The following WAC variants were observed in gnomAD, a reference collection of about 807,000 sequenced individuals.
The protein encoded by WAC is WW domain-containing adapter protein with coiled-coil.
Under a neutral mutation model 79.6 loss-of-function variants are expected in WAC, and 11 were observed. The ratio of observed to expected loss-of-function variants is 0.14; its 90% CI spans 0.09 to 0.23. The LOEUF is 0.23. Among genes scored for constraint, WAC ranks in the 10% least tolerant of loss-of-function variants. WAC has a pLI of 1.00. For missense variants in WAC, 728 were observed against 773.5 expected, an observed-to-expected ratio of 0.94 and a Z score of 0.70; for synonymous variants, 304 against 276.9, an observed-to-expected ratio of 1.10 and a Z score of -0.97.
chr10:28,553,085 T>A (rs900092170), intron 3 of WAC, among the ~76,000 whole-genome samples: 7 of 152,096 alleles, frequency 4.6e-5, no homozygotes, highest in Non-Finnish European at 1.5e-5. Flanking sequence ...TGGAATATTT[T>A]CCCCCAATGT....
Position 28,544,835 on chromosome 10 carries a change from G to A in WAC, c.274+9078G>A, listed in dbSNP as rs184554628. 1.7e-3 allele frequency among the ~76,000 whole-genome samples: 259 copies of A among 152,150 alleles called. 1 individual carries two copies. The highest frequency in any genetic ancestry group is 5.5e-3 in the African/African-American group (227 of 41,522). On this transcript the variant is annotated intron_variant, in intron 3 of 13. Transcript: ENST00000354911. ...TGCCAGCACTTTGGGAGGCCAAGGC[G>A]GGCAGATCACCTGAGCTCAGGAGTT...
Position 28,590,802 on chromosome 10 carries a change from G to T in WAC, c.580G>T (p.Ala194Ser), listed in dbSNP as rs1421658679. 1 of 1,611,518 alleles carries T rather than the reference G, an allele frequency of 6.2e-7. No individual in the cohort carries two copies. Among genetic ancestry groups the T allele is most frequent in the Non-Finnish European group, 8.5e-7 (1 of 1,179,350 alleles). Residue 194 changes from alanine (A) to serine (S), a missense_variant, in exon 6 of 14, where the codon GCA (alanine) becomes TCA (serine). Coordinates refer to ENST00000354911, the MANE Select transcript of WAC (RefSeq NM_016628.5). ...DRDYRREVMQ[A>S]TATSGFASGM... The stretch of plus-strand genomic sequence containing the variant: ...GGATTACAGAAGAGAGGTGATGCAA[G>T]CAACAGCCACTAGTGGGTTTGCCAG...
intron 3 of WAC, among the ~76,000 whole-genome samples, chr10:28,556,393 T>TTTTTTTTC (rs1837993988): frequency 7.2e-6 from 1 of 138,854 alleles, no homozygotes; most frequent in Non-Finnish European, 1.5e-5. Flanking sequence ...ATTAAATTTT[T>TTTTTTTTC]TTTTTTTTTT....
At chr10:28,558,645 G>T (rs1197566131) in intron 3 of WAC, among the ~76,000 whole-genome samples, 2 of 152,106 alleles carry the variant, frequency 1.3e-5, no homozygotes, top group African/African-American at 4.8e-5. Context: ...GTTCCTCATT[G>T]CCTTCATTGT....
intron 3 of WAC, among the ~76,000 whole-genome samples, chr10:28,552,531 T>C (rs1837738665): frequency 6.6e-6 from 1 of 152,202 alleles, no homozygotes; most frequent in Non-Finnish European, 1.5e-5. Context: ...AGACCCTTAA[T>C]TGGTTGGCCT....
At chr10:28,597,926 T>G (rs1419032507) in intron 7 of WAC, among the ~76,000 whole-genome samples, 1 of 152,180 alleles carries the variant, frequency 6.6e-6, no homozygotes, top group African/African-American at 2.4e-5. Flanking sequence ...CTTACTGAAA[T>G]TCAGGTCATC....
Position 28,619,586 on chromosome 10 carries a change from CAG to C in WAC, c.1926_1927del (p.Asn643PhefsTer8). On this transcript the variant is annotated frameshift_variant, in exon 14 of 14. Coordinates refer to ENST00000354911, the MANE Select transcript of WAC (RefSeq NM_016628.5). LOFTEE classifies it high-confidence loss of function. ...QIKELEKLKNQNSFMV is the reference protein window; with the variant it reads ...QIKELEKLKNXNSFMV ...TAAGGAACTTGAAAAGCTAAAAAAT[CAG>C]AATTCCTTCATGGTGTGAAGATGTG... The C allele has an allele frequency of 6.3e-7, 1 of 1,576,066 alleles. No individual in the cohort carries two copies. The highest frequency in any genetic ancestry group is 1.7e-4 in the Middle Eastern group (1 of 5,886).
At chr10:28,604,265 T>C (rs1199111757) in intron 7 of WAC, among the ~76,000 whole-genome samples, 2 of 150,806 alleles carry the variant, frequency 1.3e-5, no homozygotes, top group Non-Finnish European at 3.0e-5. Flanking sequence ...TGTTTAGCAT[T>C]ATCAGTTTTG....
chr10:28,619,464 A>G (rs948458951), intron 13 of WAC, 73 bp from the exon 14 acceptor site: 14 of 1,154,064 alleles, frequency 1.2e-5, no homozygotes, highest in African/African-American at 1.6e-5. Flanking sequence ...AAAAAATTTT[A>G]ATTATAAAAG....
chr10:28,538,656 G>C (rs1178165655), intron 3 of WAC, among the ~76,000 whole-genome samples: 3 of 150,448 alleles, frequency 2.0e-5, no homozygotes, highest in Admixed American at 6.6e-5. Context: ...TTGGGAGGTT[G>C]AGATGGGAAG....
intron 3 of WAC, among the ~76,000 whole-genome samples, chr10:28,573,795 C>T (rs1360925709): frequency 2.0e-5 from 3 of 152,172 alleles, no homozygotes; most frequent in Non-Finnish European, 4.4e-5. Flanking sequence ...AGTTAGTAGT[C>T]ACCAATGTTC....
intron 7 of WAC, among the ~76,000 whole-genome samples, chr10:28,603,951 ATG>A (rs1202648042): frequency 2.2e-4 from 13 of 58,462 alleles, no homozygotes; most frequent in African/African-American, 2.2e-4. Flanking sequence ...AAATATATAT[ATG>A]TATGTATGTA....
rs565319860 is a variant in WAC at position 28,622,968 on chromosome 10, A to G, written c.*3362A>G. On this transcript the variant is annotated 3_prime_UTR_variant, in exon 14 of 14. Transcript: ENST00000354911. The stretch of plus-strand genomic sequence containing the variant: ...GGCTATATTCTTGTATTTGTACGGG[A>G]GTGTACAAAATGACACTGAAAAGTA... The G allele has an allele frequency of 1.5e-4, 23 of 152,272 alleles. No homozygotes were observed. In the East Asian group the frequency reaches 4.3e-3, roughly 28 times the overall value. 9.4% of individuals were successfully genotyped at this position (152,272 alleles called of 1,614,324 possible).
At chr10:28,581,135 C>T (rs1839511676) in intron 3 of WAC, among the ~76,000 whole-genome samples, 1 of 151,056 alleles carries the variant, frequency 6.6e-6, no homozygotes, top group Admixed American at 6.6e-5. Context: ...TATATAGGTA[C>T]TCTTTGCCTT....
intron 3 of WAC, among the ~76,000 whole-genome samples, chr10:28,567,212 G>C (rs1274505471): frequency 6.7e-6 from 1 of 149,998 alleles, no homozygotes; most frequent in Non-Finnish European, 1.5e-5. Context: ...TTGTTGGGGG[G>C]ACTTTATCTA....
intron 3 of WAC, among the ~76,000 whole-genome samples, chr10:28,582,494 C>G (rs917792589): frequency 1.3e-5 from 2 of 152,168 alleles, no homozygotes; most frequent in African/African-American, 4.8e-5. Flanking sequence ...TCCTGGACCA[C>G]TGGAGCATTT....
At chr10:28,576,790 G>A (rs1839267116) in intron 3 of WAC, among the ~76,000 whole-genome samples, 1 of 152,148 alleles carries the variant, frequency 6.6e-6, no homozygotes, top group South Asian at 2.1e-4. Context: ...GCTGTCCAGT[G>A]AGTCTCATAT....
intron 3 of WAC, among the ~76,000 whole-genome samples, chr10:28,570,235 G>A (rs1365815843): frequency 6.6e-6 from 1 of 152,190 alleles, no homozygotes; most frequent in Non-Finnish European, 1.5e-5. Flanking sequence ...ATAATAGAGT[G>A]GAGGCTAGAG....
chr10:28,619,440 A>G (rs1459092512), intron 13 of WAC, 97 bp from the exon 14 acceptor site: 4 of 887,666 alleles, frequency 4.5e-6, no homozygotes, highest in African/African-American at 3.6e-5. Flanking sequence ...ATTAGAAATC[A>G]CTTGTTTTAA....
Sources: gnomAD v4.1 joint callset for allele counts (sites outside exome capture counted in the v4.1 genomes callset) on GRCh38, gnomAD v4.1.1 for gene constraint, MANE v1.5 for transcripts, NCBI Gene and HGNC (gene_info 2026-07-23, HGNC 2026-07-21) for gene names.